The following BLTP1 variants were observed in gnomAD, a reference collection of about 807,000 sequenced individuals.
BLTP1 encodes fragile site-associated protein.
At chr4:122,246,744 G>C in the BLTP1 span, 8 of 1,613,028 alleles carry the variant, frequency 5.0e-6, no homozygotes, top group Non-Finnish European at 6.8e-6. Flanking sequence ...CCTAGTAGGA[G>C]TGTGACTCAT....
chr4:122,318,338 C>T, the BLTP1 span: 18 of 1,238,370 alleles, frequency 1.5e-5, no homozygotes, highest in East Asian at 4.7e-5. Context: ...ATATCTACTG[C>T]GTACCAGGTA....
chr4:122,246,636 G>A, the BLTP1 span: 1 of 1,582,572 alleles, frequency 6.3e-7, no homozygotes, highest in Non-Finnish European at 8.6e-7. Flanking sequence ...TTATGTTTAA[G>A]TGGTAATTTT....
At chr4:122,181,069 A>G in the BLTP1 span, among the ~76,000 whole-genome samples, 1 of 152,240 alleles carries the variant, frequency 6.6e-6, no homozygotes, top group Non-Finnish European at 1.5e-5. Context: ...TTAAGAGGCA[A>G]CTGGTCTTAC....
chr4:122,347,849 T>C, the BLTP1 span: 1 of 1,131,616 alleles, frequency 8.8e-7, no homozygotes, highest in Non-Finnish European at 1.2e-6. Flanking sequence ...TACTCTCAGA[T>C]TTCAGCCCTA....
the BLTP1 span, among the ~76,000 whole-genome samples, chr4:122,191,324 C>CTAATA: frequency 6.6e-6 from 1 of 151,496 alleles, no homozygotes; most frequent in African/African-American, 2.4e-5. Flanking sequence ...TAGAGACAAA[C>CTAATA]TATAATTTGA....
At chr4:122,310,448 G>A in the BLTP1 span, among the ~76,000 whole-genome samples, 2 of 152,126 alleles carry the variant, frequency 1.3e-5, no homozygotes, top group African/African-American at 4.8e-5. Flanking sequence ...ATAAGGAAAT[G>A]AAGATCCAAA....
the BLTP1 span, chr4:122,254,721 C>T: frequency 1.6e-6 from 2 of 1,290,186 alleles, no homozygotes; most frequent in South Asian, 5.6e-5. Flanking sequence ...AGTAAAACAA[C>T]CACTAAGTAC....
the BLTP1 span, chr4:122,304,535 G>A: frequency 6.0e-6 from 1 of 165,326 alleles, no homozygotes; most frequent in South Asian, 2.0e-4. Context: ...ATTAAGGCAT[G>A]TACAATGTTT....
the BLTP1 span, chr4:122,187,880 T>C: frequency 5.0e-6 from 2 of 400,958 alleles, no homozygotes; most frequent in African/African-American, 2.2e-5. Context: ...TATCTGTTTA[T>C]TTTTTTTTTT....
the BLTP1 span, chr4:122,237,620 A>G: frequency 1.3e-6 from 1 of 755,236 alleles, no homozygotes; most frequent in Non-Finnish European, 1.6e-6. Flanking sequence ...AAAAGAAGAA[A>G]AAAATTCACT....
the BLTP1 span, chr4:122,281,617 A>T: frequency 1.9e-6 from 3 of 1,613,494 alleles, no homozygotes; most frequent in South Asian, 2.2e-5. Flanking sequence ...CTCCTGTTGA[A>T]ACAAATGAAT....
the BLTP1 span, chr4:122,281,936 T>A: frequency 1.0e-6 from 1 of 982,356 alleles, no homozygotes; most frequent in Non-Finnish European, 1.2e-6. Flanking sequence ...AGTAAAAATA[T>A]CAATCCCCCA....
chr4:122,172,293 T>C, the BLTP1 span: 1 of 706,486 alleles, frequency 1.4e-6, no homozygotes, highest in Non-Finnish European at 1.7e-6. Flanking sequence ...TTTCTCATAA[T>C]TTAGAAGTAA....
the BLTP1 span, chr4:122,305,369 T>TA: frequency 4.2e-6 from 4 of 943,098 alleles, no homozygotes; most frequent in African/African-American, 1.8e-5. Context: ...TAAATAAAGT[T>TA]AAAAAACAGC....
At chr4:122,185,566 T>A in the BLTP1 span, 13 of 436,754 alleles carry the variant, frequency 3.0e-5, no homozygotes, top group African/African-American at 2.6e-4. Flanking sequence ...AAACCTATGT[T>A]TTAGTGTTGT....
chr4:122,324,687 CAG>C, the BLTP1 span: 2 of 574,460 alleles, frequency 3.5e-6, no homozygotes, highest in Non-Finnish European at 5.7e-6. Flanking sequence ...CTATCAAACT[CAG>C]AAGTTTATTT....
chr4:122,232,635 C>T, the BLTP1 span, among the ~76,000 whole-genome samples: 5 of 151,882 alleles, frequency 3.3e-5, no homozygotes, highest in African/African-American at 1.2e-4. Flanking sequence ...AACATAAAGC[C>T]CCATCATGAT....
the BLTP1 span, chr4:122,264,046 T>C: frequency 1.2e-6 from 1 of 836,774 alleles, no homozygotes; most frequent in African/African-American, 1.8e-5. Context: ...GGATGACATG[T>C]GTTCTGAAAA....
chr4:122,215,164 C>G, the BLTP1 span: 1 of 208,024 alleles, frequency 4.8e-6, no homozygotes, highest in African/African-American at 2.4e-5. Flanking sequence ...CAAATGTTCT[C>G]TGCTATGTTG....
Sources: gnomAD v4.1 joint callset for allele counts (sites outside exome capture counted in the v4.1 genomes callset) on GRCh38, gnomAD v4.1.1 for gene constraint, MANE v1.5 for transcripts, NCBI Gene and HGNC (gene_info 2026-07-23, HGNC 2026-07-21) for gene names.